Variants in TASP1 observed in about 807,000 individuals in gnomAD.
TASP1 encodes threonine aspartase 1.
Under a neutral mutation model 56.6 loss-of-function variants are expected in TASP1, and 16 were observed. The observed-to-expected ratio is 0.28, with a 90% CI of 0.19 to 0.43. The LOEUF (loss-of-function observed/expected upper bound fraction) is 0.43, where lower values mean the gene tolerates loss of function less well. Among genes scored for constraint, TASP1 ranks in the 20% least tolerant of loss-of-function variants. The pLI, the probability that TASP1 is intolerant of heterozygous loss-of-function variation, is 1.00. For synonymous variants in TASP1, 179 were observed against 184.2 expected, an observed-to-expected ratio of 0.97 and a Z score of 0.23; for missense variants, 393 against 511.6, an observed-to-expected ratio of 0.77 and a Z score of 2.24.
chr20:13,308,548 T>C, the TASP1 span, among the ~76,000 whole-genome samples: 1 of 152,026 alleles, frequency 6.6e-6, no homozygotes, highest in South Asian at 2.1e-4. Context: ...TTTTGTATTG[T>C]CAAAAAGTGG....
At chr20:13,367,180 T>C in the TASP1 span, among the ~76,000 whole-genome samples, 1 of 152,286 alleles carries the variant, frequency 6.6e-6, no homozygotes, top group East Asian at 1.9e-4. Context: ...CCTGGTAGAG[T>C]AATAGATTTT....
intron 10 of TASP1, among the ~76,000 whole-genome samples, chr20:13,503,768 TC>T (rs2044031484): frequency 6.6e-6 from 1 of 151,880 alleles, no homozygotes; most frequent in East Asian, 1.9e-4. Context: ...AAGATTAAAA[TC>T]ATGCAAAATA....
At chr20:13,386,232 T>C (rs1255367050), downstream of TASP1, among the ~76,000 whole-genome samples, 6 of 152,190 alleles carry the variant, frequency 3.9e-5, no homozygotes, top group African/African-American at 4.8e-5. Flanking sequence ...TGGTCATCTT[T>C]TTGTGATATT....
At chr20:13,614,766 A>G (rs1204456533) in intron 4 of TASP1, 1 of 467,970 alleles carries the variant, frequency 2.1e-6, no homozygotes, top group East Asian at 7.0e-5. Flanking sequence ...TGGCTTCAAT[A>G]AACTTTCACA....
chr20:13,543,168 C>T (rs569373509), intron 8 of TASP1, among the ~76,000 whole-genome samples: 158 of 152,264 alleles, frequency 1.0e-3, no homozygotes, highest in Non-Finnish European at 1.8e-3. Flanking sequence ...TAATAACAGA[C>T]GCTAGCATCT....
At chr20:13,274,552 C>G in the TASP1 span, among the ~76,000 whole-genome samples, 1 of 152,214 alleles carries the variant, frequency 6.6e-6, no homozygotes. Flanking sequence ...CCTCCCCACC[C>G]CTTCAGGCTC....
chr20:13,587,124 A>G (rs2047334777), intron 5 of TASP1, 126 bp downstream of exon 5: 1 of 1,265,638 alleles, frequency 7.9e-7, no homozygotes, highest in Non-Finnish European at 1.1e-6. Flanking sequence ...TTCAATAAAA[A>G]AAGAACATTT....
intron 11 of TASP1, among the ~76,000 whole-genome samples, chr20:13,463,321 G>A (rs76286674): frequency 0.01 from 1,570 of 152,162 alleles, 31 homozygotes; most frequent in African/African-American, 0.035. Flanking sequence ...ACATGCAAAG[G>A]AATTAAGTTG....
the TASP1 span, among the ~76,000 whole-genome samples, chr20:13,268,899 G>T: frequency 1.3e-5 from 2 of 152,172 alleles, no homozygotes; most frequent in Non-Finnish European, 2.9e-5. Flanking sequence ...GGGCAACAGA[G>T]CAAGACCCTG....
chr20:13,559,017 T>C lies in TASP1; in HGVS notation c.666A>G (p.Ser222=). The C allele has an allele frequency of 6.3e-7, 1 of 1,586,294 alleles. No homozygotes were observed. Among genetic ancestry groups the C allele is most frequent in the Non-Finnish European group, 8.6e-7 (1 of 1,165,742 alleles). The change falls in exon 8 of 14, where the codon TCA becomes TCG. Residue 222 remains serine (S), a synonymous_variant. Coordinates refer to ENST00000337743, the MANE Select transcript of TASP1 (RefSeq NM_017714.3). The stretch of plus-strand genomic sequence containing the variant: ...TCAAACACCACCTGACCTTCTCACT[T>C]GATTGTCTTCTTTTCTTTAGTTGCA... ...DFMQLKKRRQ[S]SEKENDSGTL...
the TASP1 span, among the ~76,000 whole-genome samples, chr20:13,329,974 C>G: frequency 6.7e-6 from 1 of 149,794 alleles, no homozygotes; most frequent in Admixed American, 6.6e-5. Context: ...TTTTTTTAAT[C>G]AAGTCATAGT....
chr20:13,246,192 G>A, the TASP1 span, among the ~76,000 whole-genome samples: 17 of 151,366 alleles, frequency 1.1e-4, no homozygotes, highest in East Asian at 1.2e-3. Context: ...AGAATCACTT[G>A]AACCCAGGAG....
At chr20:13,286,889 C>T in the TASP1 span, among the ~76,000 whole-genome samples, 6 of 152,228 alleles carry the variant, frequency 3.9e-5, no homozygotes, top group Non-Finnish European at 5.9e-5. Flanking sequence ...AAGGGGCATG[C>T]CTTTAGCTCC....
intron 4 of TASP1, among the ~76,000 whole-genome samples, chr20:13,608,087 C>CTTTTTAAAA (rs2048223923): frequency 6.6e-6 from 1 of 152,186 alleles, no homozygotes; most frequent in African/African-American, 2.4e-5. Flanking sequence ...TTTCTTGCAT[C>CTTTTTAAAA]TTTTTAAAAG....
At chr20:13,491,772 T>G (rs1012207927) in intron 10 of TASP1, among the ~76,000 whole-genome samples, 2 of 152,168 alleles carry the variant, frequency 1.3e-5, no homozygotes, top group African/African-American at 4.8e-5. Flanking sequence ...CTAGATTATT[T>G]TCAATCTTTT....
chr20:13,565,793 C>T (rs2147113643), intron 7 of TASP1, among the ~76,000 whole-genome samples: 1 of 152,160 alleles, frequency 6.6e-6, no homozygotes, highest in East Asian at 1.9e-4. Flanking sequence ...AATATGGTGG[C>T]TTCTCAGAAA....
At chr20:13,194,949 G>A in the TASP1 span, among the ~76,000 whole-genome samples, 1 of 152,068 alleles carries the variant, frequency 6.6e-6, no homozygotes, top group Non-Finnish European at 1.5e-5. Context: ...TACATAGAGA[G>A]AGGGGGTGCG....
At chr20:13,325,933 C>T in the TASP1 span, among the ~76,000 whole-genome samples, 408 of 152,314 alleles carry the variant, frequency 2.7e-3, 2 homozygotes, top group Non-Finnish European at 4.3e-3. Flanking sequence ...GTGGTACCTA[C>T]AAAGAGGTAG....
intron 6 of TASP1, among the ~76,000 whole-genome samples, chr20:13,578,666 A>G (rs1254854091): frequency 6.6e-6 from 1 of 152,098 alleles, no homozygotes; most frequent in Non-Finnish European, 1.5e-5. Flanking sequence ...ATGTTCTTGC[A>G]CTAGGTAGTC....
Sources: gnomAD v4.1 joint callset for allele counts (sites outside exome capture counted in the v4.1 genomes callset) on GRCh38, gnomAD v4.1.1 for gene constraint, MANE v1.5 for transcripts, NCBI Gene and HGNC (gene_info 2026-07-23, HGNC 2026-07-21) for gene names.